The following PCDH11X variants were observed in gnomAD, a reference collection of about 807,000 sequenced individuals.
The protein encoded by PCDH11X is protocadherin 11 X-linked, also known as protocadherin-11 X-linked.
Under a neutral mutation model 53.3 loss-of-function variants are expected in PCDH11X, and 18 were observed. The ratio of observed to expected loss-of-function variants is 0.34; its 90% CI spans 0.23 to 0.50. The LOEUF (loss-of-function observed/expected upper bound fraction) is 0.50, where lower values mean the gene tolerates loss of function less well. Among genes scored for constraint, PCDH11X ranks in the 20% least tolerant of loss-of-function variants. The probability of loss-of-function intolerance (pLI) is 0.98; values close to 1 mark genes in which losing one functional copy is unlikely to be tolerated. For synonymous variants in PCDH11X, 279 were observed against 393.3 expected (o/e 0.71, Z 3.44); for missense variants, 570 against 1,032.4 (o/e 0.55, Z 6.14).
At chrX:92,543,521 T>A (rs908972103) in intron 10 of PCDH11X, among the ~76,000 whole-genome samples, 1 of 106,922 alleles carries the variant, frequency 9.4e-6, no homozygotes, top group Non-Finnish European at 1.9e-5. Context: ...ACTCATTTTT[T>A]AAAAACACTC....
chrX:92,367,487 C>T (rs1223909375), intron 8 of PCDH11X, among the ~76,000 whole-genome samples: 1 of 110,845 alleles, frequency 9.0e-6, no homozygotes, highest in Non-Finnish European at 1.9e-5. Flanking sequence ...GGCATTTAAC[C>T]CATTTACATT....
intron 6 of PCDH11X, among the ~76,000 whole-genome samples, chrX:92,193,591 C>G (rs1188409305): frequency 9.1e-6 from 1 of 110,042 alleles, no homozygotes; most frequent in Non-Finnish European, 1.9e-5. Context: ...TATTTTTTTC[C>G]AATTTCAAAA....
chrX:92,235,999 A>T (rs1250843011), intron 7 of PCDH11X, among the ~76,000 whole-genome samples: 2 of 111,666 alleles, frequency 1.8e-5, no homozygotes, highest in Non-Finnish European at 1.9e-5. Flanking sequence ...TGACATTTCC[A>T]TATGCTAATA....
At chrX:92,050,312 A>C (rs2063350504) in intron 6 of PCDH11X, among the ~76,000 whole-genome samples, 1 of 101,405 alleles carries the variant, frequency 9.9e-6, no homozygotes, top group South Asian at 4.9e-4. Context: ...TATGGATGTA[A>C]ATTGAAGGTT....
chrX:91,963,498 T>A (rs1004439810), intron 6 of PCDH11X, among the ~76,000 whole-genome samples: 3 of 110,962 alleles, frequency 2.7e-5, no homozygotes, highest in African/African-American at 1.0e-4. Context: ...GACTTCATTG[T>A]CCATACCACT....
chrX:92,220,286 C>T (rs1337376719), intron 7 of PCDH11X, among the ~76,000 whole-genome samples: 5 of 81,266 alleles, frequency 6.2e-5, no homozygotes, highest in Admixed American at 2.9e-4. Context: ...AGAAAATTTT[C>T]GCCACCTACT....
At chrX:92,517,383 A>T (rs1288744435) in intron 10 of PCDH11X, among the ~76,000 whole-genome samples, 2 of 112,027 alleles carry the variant, frequency 1.8e-5, no homozygotes, top group Non-Finnish European at 3.8e-5. Flanking sequence ...GCTACATCAC[A>T]TTACCATTCT....
chrX:91,953,230 G>T (rs1205983205), intron 6 of PCDH11X, among the ~76,000 whole-genome samples: 1 of 110,669 alleles, frequency 9.0e-6, no homozygotes, highest in Non-Finnish European at 1.9e-5. Context: ...TGCTTGGAAG[G>T]ATGGATACCC....
At chrX:91,811,209 C>G (rs777762282) in intron 3 of PCDH11X, 28 bp from the exon 4 acceptor site, 3 of 1,185,426 alleles carry the variant, frequency 2.5e-6, no homozygotes, top group Non-Finnish European at 2.3e-6. Context: ...TTTTCTTCCC[C>G]TCCCTCTTTT....
At chrX:92,396,017 T>A (rs1243475805) in intron 9 of PCDH11X, among the ~76,000 whole-genome samples, 1 of 107,949 alleles carries the variant, frequency 9.3e-6, no homozygotes, top group Non-Finnish European at 1.9e-5. Context: ...GACTGCCGAT[T>A]TCTAAAATTA....
At chrX:92,127,439 C>G (rs1478704163) in intron 6 of PCDH11X, among the ~76,000 whole-genome samples, 2 of 110,053 alleles carry the variant, frequency 1.8e-5, no homozygotes, top group Admixed American at 2.0e-4. Flanking sequence ...GTCTTAAATC[C>G]TTTTTGAAAT....
At chrX:91,940,245 T>G (rs2061492489) in intron 6 of PCDH11X, among the ~76,000 whole-genome samples, 2 of 111,372 alleles carry the variant, frequency 1.8e-5, no homozygotes, top group South Asian at 7.6e-4. Flanking sequence ...ATGCTGATGT[T>G]ATACTTCCTG....
intron 10 of PCDH11X, among the ~76,000 whole-genome samples, chrX:92,495,581 A>G (rs915322961): frequency 1.8e-5 from 2 of 110,973 alleles, no homozygotes; most frequent in East Asian, 2.8e-4. Flanking sequence ...AAAGTATGCA[A>G]TTTGGCATAT....
At position 92,596,075 on chromosome X, in the gene PCDH11X, C is replaced by T. The variant is rs148874601; in HGVS notation, c.3368-22189C>T. On this transcript the variant is annotated intron_variant, in intron 10 of 10. Transcript: ENST00000682573. The stretch of plus-strand genomic sequence containing the variant: ...CTGACTCAAAAGACATTCAACTATA[C>T]CAAAGATGGTATATTTAATTTGCTC... Among the ~76,000 whole-genome samples, 9 of 112,222 alleles carry T rather than the reference C, an allele frequency of 8.0e-5. No homozygotes were observed. The East Asian group carries it at 2.5e-3, about 32-fold the overall frequency.
At chrX:92,224,823 T>A (rs1163190283) in intron 7 of PCDH11X, among the ~76,000 whole-genome samples, 3 of 112,408 alleles carry the variant, frequency 2.7e-5, no homozygotes, top group Non-Finnish European at 5.6e-5. Context: ...AGCAACCTTT[T>A]AAAATTTACA....
chrX:92,178,826 G>T (rs961310018), intron 6 of PCDH11X, among the ~76,000 whole-genome samples: 8 of 111,350 alleles, frequency 7.2e-5, no homozygotes, highest in Non-Finnish European at 1.5e-4. Flanking sequence ...TAAGAATGAT[G>T]GTTATACAGA....
intron 10 of PCDH11X, among the ~76,000 whole-genome samples, chrX:92,611,267 A>T (rs1259830577): frequency 1.8e-5 from 2 of 108,744 alleles, no homozygotes; most frequent in African/African-American, 6.7e-5. Flanking sequence ...GTCATCTATG[A>T]TTTCTTTTAG....
In PCDH11X at chrX:92,619,243, CAT is replaced by C; in HGVS notation, c.*304_*305del. 5.7e-6 allele frequency: 2 copies of C among 348,528 alleles called. No individual in the cohort carries two copies. The highest frequency in any genetic ancestry group is 2.6e-5 in the African/African-American group (1 of 38,713). 28.7% of individuals were successfully genotyped at this position (348,528 alleles called of 1,213,427 possible). ...CAGTATTTTTTGTTGTTTTTATCAT[CAT>C]GTGCAATATTACTGATTTGTTTCCA... On this transcript the variant is annotated 3_prime_UTR_variant, in exon 11 of 11. Transcript: ENST00000682573.
chrX:91,968,931 C>T (rs2061905349), intron 6 of PCDH11X, among the ~76,000 whole-genome samples: 3 of 111,437 alleles, frequency 2.7e-5, no homozygotes, highest in South Asian at 7.5e-4. Context: ...TAAAAAAAGG[C>T]ACGTCTTAAT....
Sources: gnomAD v4.1 joint callset for allele counts (sites outside exome capture counted in the v4.1 genomes callset) on GRCh38, gnomAD v4.1.1 for gene constraint, MANE v1.5 for transcripts, NCBI Gene and HGNC (gene_info 2026-07-23, HGNC 2026-07-21) for gene names.